Variants in CDKL4 observed in about 807,000 individuals in gnomAD.
The protein encoded by CDKL4 is cyclin-dependent kinase-like 4.
A neutral mutation model predicts 42.0 loss-of-function variants in CDKL4; 44 were observed. The ratio of observed to expected loss-of-function variants is 1.05; its 90% confidence interval spans 0.82 to 1.35. The LOEUF (loss-of-function observed/expected upper bound fraction) is 1.35. Ranked by LOEUF, CDKL4 falls within the 40% of genes most tolerant of loss-of-function variation. The pLI, the probability that CDKL4 is intolerant of heterozygous loss-of-function variation, is 0.00. For synonymous variants in CDKL4, 120 were observed against 121.6 expected, an observed-to-expected ratio of 0.99 and a Z score of 0.09; for missense variants, 393 against 369.9, an observed-to-expected ratio of 1.06 and a Z score of -0.51.
Position 39,201,546 on chromosome 2 carries a change from T to C in CDKL4, c.454+2981A>G, listed in dbSNP as rs138841572. The stretch of plus-strand genomic sequence containing the variant: ...CATGTTTACAGCAGCACATTTGCAA[T>C]TGAAAAAATATGGAACCAGCCCAAA... On this transcript the variant is annotated intron_variant, in intron 5 of 9. Transcript: ENST00000451199. Among the ~76,000 whole-genome samples, 234 of 152,000 alleles carry C rather than the reference T, an allele frequency of 1.5e-3. 2 individuals are homozygous for C. Among genetic ancestry groups the C allele is most frequent in the African/African-American group, 5.0e-3 (207 of 41,456 alleles).
chr2:39,176,017 A>G (rs1414881334), exon 10 of CDKL4: 3 of 470,796 alleles, frequency 6.4e-6, no homozygotes, highest in Admixed American at 2.4e-5. Flanking sequence ...AAGGTGATCA[A>G]ATTTTAACTG....
At chr2:39,189,857 G>A (rs2148301385) in intron 6 of CDKL4, among the ~76,000 whole-genome samples, 1 of 152,304 alleles carries the variant, frequency 6.6e-6, no homozygotes, top group South Asian at 2.1e-4. Flanking sequence ...AGGCTGTACA[G>A]CCTGCATAAC....
At chr2:39,194,585 G>A (rs1352918059) in intron 5 of CDKL4, among the ~76,000 whole-genome samples, 3 of 152,134 alleles carry the variant, frequency 2.0e-5, no homozygotes, top group African/African-American at 4.8e-5. Flanking sequence ...ATTATTTCAT[G>A]TTTTTAGCCT....
At chr2:39,190,400 G>C in exon 6 of CDKL4, 1 of 1,613,998 alleles carries the variant, frequency 6.2e-7, no homozygotes, top group South Asian at 1.1e-5. Context: ...ACAACCAATA[G>C]CCCATATATC....
chr2:39,234,588 T>C (rs933601623), intron 1 of CDKL4, among the ~76,000 whole-genome samples: 3 of 152,048 alleles, frequency 2.0e-5, no homozygotes, highest in African/African-American at 7.2e-5. Context: ...TAAAATAAAA[T>C]CTAATTATAT....
chr2:39,226,707 G>A (rs552195369), intron 2 of CDKL4, among the ~76,000 whole-genome samples: 9 of 151,700 alleles, frequency 5.9e-5, no homozygotes, highest in Non-Finnish European at 1.0e-4. Context: ...CAGGACTATC[G>A]TAGGCAAACC....
chr2:39,179,659 C>T (rs943534157), intron 8 of CDKL4, among the ~76,000 whole-genome samples: 7 of 152,170 alleles, frequency 4.6e-5, no homozygotes, highest in South Asian at 2.1e-4. Flanking sequence ...ACATCAGCGT[C>T]GCAGGAACTT....
intron 5 of CDKL4, among the ~76,000 whole-genome samples, chr2:39,193,258 ATCTC>A (rs1297919662): frequency 2.7e-5 from 4 of 150,768 alleles, no homozygotes; most frequent in Non-Finnish European, 3.0e-5. Context: ...GAATGGCGAA[ATCTC>A]TCTCTGTTAA....
At chr2:39,206,061 GTT>G (rs11338393) in intron 4 of CDKL4, among the ~76,000 whole-genome samples, 3 of 148,432 alleles carry the variant, frequency 2.0e-5, no homozygotes, top group Non-Finnish European at 4.5e-5. Flanking sequence ...TTTGTTTTTT[GTT>G]TTTTTTTTGA....
exon 10 of CDKL4, chr2:39,175,763 C>A: frequency 4.2e-6 from 1 of 239,024 alleles, no homozygotes; most frequent in Non-Finnish European, 8.4e-6. Context: ...TTGAAAATGT[C>A]TCTTCCATAT....
At chr2:39,207,839 T>A (rs925660207) in intron 4 of CDKL4, among the ~76,000 whole-genome samples, 6 of 152,194 alleles carry the variant, frequency 3.9e-5, no homozygotes, top group African/African-American at 1.4e-4. Context: ...TGGTGGCTCA[T>A]GCCTGTAACC....
chr2:39,237,976 AAT>A (rs1679458680), intron 1 of CDKL4, among the ~76,000 whole-genome samples: 1 of 152,236 alleles, frequency 6.6e-6, no homozygotes, highest in Admixed American at 6.5e-5. Flanking sequence ...AAATGAATAA[AAT>A]ACTCAGGAAT....
chr2:39,223,557 TAGATGTACTG>T (rs1369900703), intron 3 of CDKL4, among the ~76,000 whole-genome samples: 1 of 149,608 alleles, frequency 6.7e-6, no homozygotes, highest in Non-Finnish European at 1.5e-5. Context: ...CATGTTTTCT[TAGATGTACTG>T]GTCATTTCCT....
At chr2:39,184,760 TG>T in intron 7 of CDKL4, 113 bp from the exon 8 acceptor site, 1 of 672,914 alleles carries the variant, frequency 1.5e-6, no homozygotes, top group Non-Finnish European at 2.6e-6. Flanking sequence ...TTAGAGATAC[TG>T]TCTCCCTCTA....
intron 1 of CDKL4, among the ~76,000 whole-genome samples, chr2:39,242,945 A>C (rs1173686938): frequency 1.3e-5 from 2 of 151,696 alleles, no homozygotes; most frequent in Non-Finnish European, 2.9e-5. Flanking sequence ...TAAAAATACA[A>C]AAAAAGTTGC....
At chr2:39,237,782 A>G (rs1399118829) in intron 1 of CDKL4, among the ~76,000 whole-genome samples, 1 of 152,218 alleles carries the variant, frequency 6.6e-6, no homozygotes, top group African/African-American at 2.4e-5. Flanking sequence ...ATTATTCAGA[A>G]ATGACATGAT....
chr2:39,182,821 A>G (rs184478747), intron 8 of CDKL4, among the ~76,000 whole-genome samples: 1 of 152,334 alleles, frequency 6.6e-6, no homozygotes, highest in African/African-American at 2.4e-5. Context: ...TTTAAACCTA[A>G]TGAAGAGAAC....
downstream of CDKL4, among the ~76,000 whole-genome samples, chr2:39,171,158 G>C (rs568273963): frequency 1.2e-3 from 181 of 151,600 alleles, no homozygotes; most frequent in African/African-American, 4.1e-3. Context: ...AGGATCGCTT[G>C]AACATGTGAG....
At chr2:39,192,872 C>T (rs1462801545) in intron 5 of CDKL4, among the ~76,000 whole-genome samples, 1 of 151,922 alleles carries the variant, frequency 6.6e-6, no homozygotes, top group East Asian at 1.9e-4. Flanking sequence ...ACACCTATAA[C>T]CCCAGCACTT....
Sources: allele counts gnomAD v4.1 joint callset (sites outside exome capture counted in the v4.1 genomes callset), GRCh38; gene constraint gnomAD v4.1.1; transcripts MANE v1.5; gene names NCBI Gene and HGNC (gene_info 2026-07-23, HGNC 2026-07-21).